The following STK11 variants were observed in gnomAD, a reference collection of about 807,000 sequenced individuals.
STK11 encodes serine/threonine kinase 11.
STK11 carries 8 observed loss-of-function variants against 47.3 expected under a neutral mutation model. That is an observed-to-expected ratio of 0.17 (90% CI 0.10 to 0.31). The LOEUF (loss-of-function observed/expected upper bound fraction) is 0.31. STK11 is among the 10% of genes least tolerant of loss of function. The pLI is 1.00. For synonymous variants in STK11, 330 were observed against 255.8 expected (o/e 1.29, Z -2.77); for missense variants, 475 against 605.0 (o/e 0.79, Z 2.25).
rs374147918 is a variant in STK11, at chr19:1,222,038, G to A, written c.920+32G>A. On this transcript the variant is annotated intron_variant, in intron 7 of 9. Coordinates refer to ENST00000326873, the MANE Select transcript of STK11 (RefSeq NM_000455.5). Reference sequence around the variant, plus strand: ...GGCCCCTGGGGGCAGTGGGGCCGAGGCTGCAGGGAGGCCGGCCATGTGGGC... The same window carrying A: ...GGCCCCTGGGGGCAGTGGGGCCGAGACTGCAGGGAGGCCGGCCATGTGGGC... The A allele has an allele frequency of 1.4e-3, 2,158 of 1,554,952 alleles. 2 individuals carry two copies. The highest frequency in any genetic ancestry group is 1.8e-3 in the Non-Finnish European group (2,044 of 1,149,634).
In STK11 at chr19:1,219,536, G is replaced by T. The variant is rs927430341; in HGVS notation, c.464+123G>T. ...TTGACATGAAGGCCCAAGTTTTTTT[G>T]TTTTTTTGTTTTTTTGTGTTTTTTT... is the stretch of plus-strand genomic sequence containing the variant. On this transcript the variant is annotated intron_variant, in intron 3 of 9. Coordinates refer to ENST00000326873, the MANE Select transcript of STK11 (RefSeq NM_000455.5). The T allele has an allele frequency of 6.6e-5, 63 of 957,894 alleles. No homozygotes were observed. In the South Asian group the frequency reaches 7.2e-4, roughly 11 times the overall value. The allele number at this position is 957,894 out of a possible 1,614,324, so 59.3% of individuals were successfully genotyped here.
At chr19:1,226,779 G>T in intron 9 of STK11, 116 bp downstream of exon 9, 1 of 1,276,040 alleles carries the variant, frequency 7.8e-7, no homozygotes, top group East Asian at 2.7e-5. Context: ...GCTGCGCGTG[G>T]TTGCCATGTG....
At chr19:1,214,079 G>A (rs76673487) in intron 1 of STK11, among the ~76,000 whole-genome samples, 3,401 of 152,340 alleles carry the variant, frequency 0.022, 118 homozygotes, top group African/African-American at 0.076. Flanking sequence ...ACCTCGGAGC[G>A]GCTGGCGATG....
chr19:1,226,333 G>C (rs934173895), intron 8 of STK11, 121 bp from the exon 9 acceptor site: 2 of 1,495,468 alleles, frequency 1.3e-6, no homozygotes, highest in Non-Finnish European at 1.8e-6. Flanking sequence ...GGCCTGACCC[G>C]GGGGCGGGCA....
rs786203942 is a variant in STK11, at chr19:1,207,030, C to T, written c.117C>T (p.Arg39=). 1.2e-6 allele frequency: 2 copies of T among 1,613,842 alleles called. No individual in the cohort carries two copies. Among genetic ancestry groups the T allele is most frequent in the Non-Finnish European group, 1.7e-6 (2 of 1,179,874 alleles). ...CCACCGAGGTCATCTACCAGCCGCG[C>T]CGCAAGCGGGCCAAGCTCATCGGCA... ...IDSTEVIYQP[R]RKRAKLIGKY... Residue 39 remains arginine (R), a synonymous_variant, in exon 1 of 10, where the codon CGC becomes CGT. Coordinates refer to ENST00000326873, the MANE Select transcript of STK11 (RefSeq NM_000455.5).
At chr19:1,224,529 C>G in intron 8 of STK11, 1 of 985,450 alleles carries the variant, frequency 1.0e-6, no homozygotes, top group Non-Finnish European at 1.2e-6. Flanking sequence ...CCAGTTAGGG[C>G]AGGGCCAGCC....
At chr19:1,219,027 G>A (rs1213600190) in intron 2 of STK11, among the ~76,000 whole-genome samples, 1 of 152,244 alleles carries the variant, frequency 6.6e-6, no homozygotes, top group South Asian at 2.1e-4. Context: ...AGCCTGCTTG[G>A]GGGGGCGTCC....
intron 1 of STK11, among the ~76,000 whole-genome samples, chr19:1,213,583 G>A (rs975038667): frequency 4.3e-4 from 65 of 152,332 alleles, no homozygotes; most frequent in African/African-American, 5.5e-4. Flanking sequence ...GGGCATCCGC[G>A]CCGTGGCCTG....
At position 1,226,542 on chromosome 19, in the gene STK11, G is replaced by A. The variant is rs1436178098; in HGVS notation, c.1197G>A (p.Gln399=). The A allele has an allele frequency of 6.2e-7, 1 of 1,605,002 alleles. No homozygotes were observed. The highest frequency in any genetic ancestry group is 1.1e-5 in the South Asian group (1 of 89,556). Residue 399 remains glutamine (Q), a synonymous_variant, in exon 9 of 10, where the codon CAG becomes CAA. Coordinates refer to ENST00000326873, the MANE Select transcript of STK11 (RefSeq NM_000455.5). The part of the protein sequence containing the change: ...AVCMNGTEAA[Q]LSTKSRAEGR... ...GTATGAACGGCACAGAGGCGGCGCA[G>A]CTGAGCACCAAATCCAGGGCGGAGG...
rs927999961 is a variant in STK11, at chr19:1,206,797, C to CT, written c.-107dup. 16,592 of 1,124,052 alleles carry CT rather than the reference C, an allele frequency of 0.015. 2 individuals carry two copies. Among genetic ancestry groups the CT allele is most frequent in the Non-Finnish European group, 0.016 (13,611 of 841,324 alleles). 69.6% of individuals were successfully genotyped at this position (1,124,052 alleles called of 1,614,324 possible). A position where few individuals can be genotyped will look rare whatever the true frequency, so the allele number is the denominator to read the frequency against. The stretch of plus-strand genomic sequence containing the variant: ...CCCTTCCTTTTGGGGTTTTTGTTGC[C>CT]TTTTTTTTTTCTTTTTTCTTTGTAA... On this transcript the variant is annotated 5_prime_UTR_variant, in exon 1 of 10. Coordinates refer to ENST00000326873, the MANE Select transcript of STK11 (RefSeq NM_000455.5).
chr19:1,219,547 T>G (rs933530627), intron 3 of STK11, 134 bp downstream of exon 3: 305 of 962,264 alleles, frequency 3.2e-4, no homozygotes, highest in Middle Eastern at 6.7e-4. Flanking sequence ...TTTTTTTGTT[T>G]TTTTGTGTTT....
In STK11 at chr19:1,222,201, C is replaced by T. The variant is rs143726471; in HGVS notation, c.920+195C>T. ...TGTCCTGTTACCGGCCAGACCCAGG[C>T]GCCTTGTCCGAACTGGGGTCTGAGT... On this transcript the variant is annotated intron_variant, in intron 7 of 9. Transcript: ENST00000326873. Among the ~76,000 whole-genome samples, 884 of 152,328 alleles carry T rather than the reference C, an allele frequency of 5.8e-3. 8 individuals carry two copies. The highest frequency in any genetic ancestry group is 0.02 in the African/African-American group (823 of 41,574).
At position 1,206,821 on chromosome 19, in the gene STK11, A is replaced by G. The variant is rs1568689559; in HGVS notation, c.-93A>G. 2 of 1,399,616 alleles carry G rather than the reference A, an allele frequency of 1.4e-6. No homozygotes were observed. The highest frequency in any genetic ancestry group is 2.6e-5 in the East Asian group (1 of 38,840). The allele number at this position is 1,399,616 out of a possible 1,614,324, so 86.7% of individuals were successfully genotyped here. On this transcript the variant is annotated 5_prime_UTR_variant, in exon 1 of 10. Transcript: ENST00000326873. ...CCTTTTTTTTTTCTTTTTTCTTTGT[A>G]AAATTTTGGAGAAGGGAAGTCGGAA...
In STK11 at chr19:1,223,169, C is replaced by T. The variant is rs758887235; in HGVS notation, c.1105C>T (p.Pro369Ser). Residue 369 changes from proline to serine, a missense_variant, in exon 8 of 10, where the codon CCC becomes TCC. Physicochemically the swap from Pro to Ser is moderately conservative, Grantham distance 74. Transcript: ENST00000326873. ...CATCTACACTCAGGACTTCACGGTG[C>T]CCGGTGAGTCTGGCGGGGGCCCCTG... ...DIIYTQDFTV[P>S]GQVPEEEASH... 1.2e-6 allele frequency: 2 copies of T among 1,610,558 alleles called. No homozygotes were observed. Among genetic ancestry groups the T allele is most frequent in the South Asian group, 1.1e-5 (1 of 90,656 alleles).
intron 7 of STK11, 24 bp downstream of exon 7, chr19:1,222,030 G>T: frequency 6.4e-7 from 1 of 1,559,386 alleles, no homozygotes. Flanking sequence ...GGGGGCAGTG[G>T]GGCCGAGGCT....
At position 1,223,047 on chromosome 19, in the gene STK11, C is replaced by G. The variant is rs1405959130; in HGVS notation, c.983C>G (p.Thr328Ser). Residue 328 changes from threonine (T) to serine (S), a missense_variant, in exon 8 of 10, where the codon ACC becomes AGC. By Grantham distance (58) the Thr-to-Ser change is moderately conservative. Transcript: ENST00000326873. ...GTGCCCATCCCACCGAGCCCAGACA[C>G]CAAGGACCGGTGGCGCAGCATGACT... is the stretch of plus-strand genomic sequence containing the variant. ...APVPIPPSPD[T>S]KDRWRSMTVV... 7 of 1,600,908 alleles carry G rather than the reference C, an allele frequency of 4.4e-6. No individual in the cohort carries two copies. The South Asian group carries it at 6.8e-5, about 15-fold the overall frequency.
intron 8 of STK11, chr19:1,224,167 C>G (rs890506617): frequency 1.0e-6 from 1 of 986,268 alleles, no homozygotes. Context: ...TGGGGGCCCC[C>G]GAGAGCACAG....
chr19:1,218,589 G>A (rs966931120), intron 2 of STK11, 89 bp downstream of exon 2: 23 of 1,166,984 alleles, frequency 2.0e-5, no homozygotes, highest in East Asian at 7.0e-5. Context: ...TCCTCTTCCC[G>A]TCTCCTTGAA....
At chr19:1,227,298 G>C (rs1481435583) in intron 9 of STK11, 1 of 180,852 alleles carries the variant, frequency 5.5e-6, no homozygotes, top group Non-Finnish European at 1.2e-5. Context: ...CCCCTGCCTT[G>C]CCACAGCCCC....
Sources: allele counts gnomAD v4.1 joint callset (sites outside exome capture counted in the v4.1 genomes callset), GRCh38; gene constraint gnomAD v4.1.1; transcripts MANE v1.5; gene names NCBI Gene and HGNC (gene_info 2026-07-23, HGNC 2026-07-21).